Variants in CACNB2 observed in about 807,000 individuals in gnomAD.
CACNB2 encodes the protein voltage-dependent L-type calcium channel subunit beta-2.
In CACNB2, 42 loss-of-function variants were observed where a neutral mutation model predicts 73.3. The ratio of observed to expected loss-of-function variants is 0.57; its 90% confidence interval spans 0.45 to 0.74. CACNB2 has a LOEUF of 0.74. Among genes scored for constraint, CACNB2 ranks in the 30% least tolerant of loss-of-function variants. The pLI, the probability that CACNB2 is intolerant of heterozygous loss-of-function variation, is 0.00. For missense variants in CACNB2, 940 were observed against 853.0 expected, an observed-to-expected ratio of 1.10 and a Z score of -1.27; for synonymous variants, 348 against 310.3, an observed-to-expected ratio of 1.12 and a Z score of -1.28.
At chr10:18,427,217 A>C (rs1201886238) in intron 3 of CACNB2, among the ~76,000 whole-genome samples, 1 of 152,070 alleles carries the variant, frequency 6.6e-6, no homozygotes, top group Non-Finnish European at 1.5e-5. Flanking sequence ...CCTTTTCTAT[A>C]TCTTTAAAGG....
At chr10:18,352,694 A>G (rs924713435) in intron 2 of CACNB2, among the ~76,000 whole-genome samples, 3 of 152,254 alleles carry the variant, frequency 2.0e-5, no homozygotes, top group Non-Finnish European at 4.4e-5. Context: ...AATGTTTTTC[A>G]AGGAACACTT....
intron 3 of CACNB2, among the ~76,000 whole-genome samples, chr10:18,467,119 A>G (rs565215935): frequency 1.3e-5 from 2 of 152,234 alleles, no homozygotes; most frequent in Non-Finnish European, 2.9e-5. Context: ...ACAACACTGC[A>G]CTACAGCCCA....
intron 1 of CACNB2, chr10:18,141,185 T>G (rs1340007039): frequency 9.0e-6 from 12 of 1,340,686 alleles, no homozygotes; most frequent in Non-Finnish European, 1.1e-5. Flanking sequence ...GAGACATGAA[T>G]CAGGGGAGTG....
At chr10:18,469,765 G>A (rs576173695) in intron 3 of CACNB2, among the ~76,000 whole-genome samples, 4 of 152,088 alleles carry the variant, frequency 2.6e-5, no homozygotes, top group Admixed American at 6.6e-5. Context: ...CTATAAAATC[G>A]TAACCACATC....
At chr10:18,432,944 C>T (rs564505221) in intron 3 of CACNB2, among the ~76,000 whole-genome samples, 75 of 152,196 alleles carry the variant, frequency 4.9e-4, no homozygotes, top group African/African-American at 1.8e-3. Flanking sequence ...TATTTTAACA[C>T]CTTTGAGATA....
chr10:18,279,207 T>TG (rs1313425033), intron 2 of CACNB2, among the ~76,000 whole-genome samples: 1 of 152,182 alleles, frequency 6.6e-6, no homozygotes, highest in East Asian at 1.9e-4. Context: ...GTAAAACAAA[T>TG]GGTTCTTTTC....
At chr10:18,454,634 G>A (rs150497336) in intron 3 of CACNB2, among the ~76,000 whole-genome samples, 4 of 152,306 alleles carry the variant, frequency 2.6e-5, no homozygotes, top group South Asian at 2.1e-4. Flanking sequence ...CAGTTGGTAC[G>A]TCTGCACAGT....
Position 18,498,398 on chromosome 10 carries a change from G to C in CACNB2, c.377G>C (p.Ser126Thr). The C allele has an allele frequency of 6.2e-7, 1 of 1,614,140 alleles. No homozygotes were observed. The highest frequency in any genetic ancestry group is 8.5e-7 in the Non-Finnish European group (1 of 1,179,990). Reference protein sequence around the residue: ...AFAVRTNVSYSAAHEDDVPVP... With the variant: ...AFAVRTNVSYTAAHEDDVPVP... ...GCGGTTCGGACAAATGTCAGCTACA[G>C]TGCGGCCCATGAAGATGATGTTCCA... is the stretch of plus-strand genomic sequence containing the variant. The change falls in exon 4 of 14, where the codon AGT becomes ACT. Residue 126 changes from serine to threonine, a missense_variant. Coordinates refer to ENST00000324631, the MANE Select transcript of CACNB2 (RefSeq NM_201596.3).
At chr10:18,190,979 TGACA>T (rs1294742722) in intron 2 of CACNB2, among the ~76,000 whole-genome samples, 1 of 152,240 alleles carries the variant, frequency 6.6e-6, no homozygotes, top group East Asian at 1.9e-4. Flanking sequence ...GATCATCTCC[TGACA>T]GAGCAGAGAA....
At chr10:18,383,700 G>A (rs979366484) in intron 2 of CACNB2, among the ~76,000 whole-genome samples, 9 of 145,904 alleles carry the variant, frequency 6.2e-5, no homozygotes, top group East Asian at 2.0e-4. Flanking sequence ...ACAGAGTAGC[G>A]AATAGAGTGC....
intron 10 of CACNB2, among the ~76,000 whole-genome samples, chr10:18,532,452 C>A (rs2053125410): frequency 1.3e-5 from 2 of 151,954 alleles, no homozygotes. Context: ...GGCGGGAGAT[C>A]ACTTGAGGTC....
chr10:18,145,756 T>G lies in CACNB2; in HGVS notation c.120+4900T>G, dbSNP rs562518270. ...ATAACATGGTTATGTTACAAACTAA[T>G]TGTAACAATGCATTATTTCACAACT... On this transcript the variant is annotated intron_variant, in intron 1 of 13. Coordinates refer to ENST00000324631, the MANE Select transcript of CACNB2 (RefSeq NM_201596.3). Among the ~76,000 whole-genome samples, 12 of 152,302 alleles carry G rather than the reference T, an allele frequency of 7.9e-5. 1 individual carries two copies. In the South Asian group the frequency reaches 2.3e-3, roughly 29 times the overall value.
At chr10:18,368,252 G>C (rs1325995) in intron 2 of CACNB2, among the ~76,000 whole-genome samples, 66,248 of 151,900 alleles carry the variant, frequency 0.44, 15,487 homozygotes, top group East Asian at 0.94. Flanking sequence ...ACTAATATGG[G>C]CATTATTTTT....
In CACNB2 at chr10:18,530,581, G is replaced by C. The variant is rs79054402; in HGVS notation, c.1054+2884G>C. Reference sequence around the variant, plus strand: ...AACACCAAACCCATTTTATAATAAAGTGTAGAGTATATCATGTAATGTATT... The same window carrying C: ...AACACCAAACCCATTTTATAATAAACTGTAGAGTATATCATGTAATGTATT... On this transcript the variant is annotated intron_variant, in intron 10 of 13. Coordinates refer to ENST00000324631, the MANE Select transcript of CACNB2 (RefSeq NM_201596.3). Among the ~76,000 whole-genome samples, 655 of 150,398 alleles carry C rather than the reference G, an allele frequency of 4.4e-3. 7 individuals are homozygous for C. The highest frequency in any genetic ancestry group is 0.015 in the African/African-American group (620 of 40,966).
chr10:18,443,285 C>A (rs1235023416), intron 3 of CACNB2, among the ~76,000 whole-genome samples: 1 of 151,898 alleles, frequency 6.6e-6, no homozygotes, highest in Non-Finnish European at 1.5e-5. Context: ...AGTGTCCTAA[C>A]TGAAGGAAGA....
chr10:18,357,893 C>T (rs1006397640), intron 2 of CACNB2, among the ~76,000 whole-genome samples: 1 of 152,136 alleles, frequency 6.6e-6, no homozygotes, highest in Non-Finnish European at 1.5e-5. Context: ...CTTTTGGGGA[C>T]CCATTAGTTT....
At chr10:18,196,478 G>C (rs2034631539) in intron 2 of CACNB2, among the ~76,000 whole-genome samples, 1 of 151,758 alleles carries the variant, frequency 6.6e-6, no homozygotes, top group South Asian at 2.1e-4. Context: ...CAGCATGCCT[G>C]GCTAAATTTT....
intron 2 of CACNB2, among the ~76,000 whole-genome samples, chr10:18,247,450 T>G (rs916682391): frequency 1.4e-4 from 21 of 152,238 alleles, no homozygotes; most frequent in East Asian, 3.9e-4. Context: ...AATGTGTTAG[T>G]TTTCTTTAGA....
intron 2 of CACNB2, chr10:18,401,106 C>T (rs1402411444): frequency 3.1e-6 from 5 of 1,614,120 alleles, no homozygotes; most frequent in Non-Finnish European, 4.2e-6. Context: ...TCTGTGTAAG[C>T]GCAAGGGCTT....
Sources: allele counts gnomAD v4.1 joint callset (sites outside exome capture counted in the v4.1 genomes callset), GRCh38; gene constraint gnomAD v4.1.1; transcripts MANE v1.5; gene names NCBI Gene and HGNC (gene_info 2026-07-23, HGNC 2026-07-21).